MAGI1: variants seen among roughly 807,000 people sequenced by gnomAD.
MAGI1 encodes membrane associated guanylate kinase, WW and PDZ domain containing 1.
A neutral mutation model predicts 139.9 loss-of-function variants in MAGI1; 58 were observed. That is an observed-to-expected ratio of 0.41 (90% CI 0.34 to 0.52). The LOEUF is 0.52. Among genes scored for constraint, MAGI1 ranks in the 20% least tolerant of loss-of-function variants. The probability of loss-of-function intolerance (pLI) is 0.12; values close to 1 mark genes in which losing one functional copy is unlikely to be tolerated. For missense variants in MAGI1, 1,874 were observed against 1,901.6 expected, an observed-to-expected ratio of 0.99 and a Z score of 0.27; for synonymous variants, 812 against 737.9, an observed-to-expected ratio of 1.10 and a Z score of -1.63.
chr3:65,775,820 G>A (rs1463515891), intron 1 of MAGI1, among the ~76,000 whole-genome samples: 1 of 151,872 alleles, frequency 6.6e-6, no homozygotes, highest in Non-Finnish European at 1.5e-5. Flanking sequence ...GCACATGCCT[G>A]TAGTCCCAGC....
chr3:65,391,466 A>G, intron 13 of MAGI1, 108 bp from the exon 14 acceptor site: 8 of 818,310 alleles, frequency 9.8e-6, no homozygotes, highest in South Asian at 5.2e-5. Flanking sequence ...ATACACATAC[A>G]TATCAACAGT....
At chr3:65,619,836 A>G in intron 2 of MAGI1, 1 of 983,770 alleles carries the variant, frequency 1.0e-6, no homozygotes, top group Non-Finnish European at 1.2e-6. Context: ...AAGAAAGTGT[A>G]AAATGAATTG....
chr3:65,963,873 T>C (rs888409039), intron 1 of MAGI1, among the ~76,000 whole-genome samples: 1 of 152,220 alleles, frequency 6.6e-6, no homozygotes, highest in African/African-American at 2.4e-5. Flanking sequence ...TAATGATATC[T>C]GTGGACTGAA....
At chr3:65,800,367 C>T (rs557645502) in intron 1 of MAGI1, among the ~76,000 whole-genome samples, 3 of 152,142 alleles carry the variant, frequency 2.0e-5, no homozygotes, top group Non-Finnish European at 4.4e-5. Context: ...TCCTTCCCTC[C>T]CCTTGGAGTA....
At chr3:65,849,771 T>C (rs542665464) in intron 1 of MAGI1, among the ~76,000 whole-genome samples, 2 of 152,278 alleles carry the variant, frequency 1.3e-5, no homozygotes, top group South Asian at 2.1e-4. Context: ...GTATTTTTCA[T>C]CACATCTAAC....
chr3:65,550,548 A>T (rs1474102644), intron 2 of MAGI1, among the ~76,000 whole-genome samples: 1 of 152,210 alleles, frequency 6.6e-6, no homozygotes, highest in Non-Finnish European at 1.5e-5. Context: ...CCTTTTATTC[A>T]TATACAACTT....
intron 1 of MAGI1, among the ~76,000 whole-genome samples, chr3:65,774,977 T>C (rs993870925): frequency 6.6e-6 from 1 of 152,186 alleles, no homozygotes; most frequent in African/African-American, 2.4e-5. Context: ...AACAAGACAA[T>C]GTATATGAAT....
intron 6 of MAGI1, 85 bp from the exon 7 acceptor site, chr3:65,448,142 G>C (rs1196611621): frequency 8.2e-7 from 1 of 1,218,132 alleles, no homozygotes. Flanking sequence ...AATCTCCTCA[G>C]GAAAACAGCA....
intron 1 of MAGI1, among the ~76,000 whole-genome samples, chr3:65,706,088 A>C (rs2030223068): frequency 6.6e-6 from 1 of 152,124 alleles, no homozygotes; most frequent in Admixed American, 6.6e-5. Flanking sequence ...TTCTCCAATT[A>C]ATTTTTTTTT....
At chr3:65,608,549 T>C (rs1293009833) in intron 2 of MAGI1, among the ~76,000 whole-genome samples, 2 of 152,216 alleles carry the variant, frequency 1.3e-5, no homozygotes, top group Non-Finnish European at 2.9e-5. Flanking sequence ...AGTATCATTC[T>C]ACATCAGAAA....
At chr3:65,916,455 G>A (rs1440385597) in intron 1 of MAGI1, among the ~76,000 whole-genome samples, 3 of 152,144 alleles carry the variant, frequency 2.0e-5, no homozygotes, top group Admixed American at 2.0e-4. Context: ...GGCAGAAGGC[G>A]AAAGGCACAC....
rs560354687 is a variant in MAGI1 at position 65,919,349 on chromosome 3, G to A, written c.313+118647C>T. 3.3e-5 allele frequency among the ~76,000 whole-genome samples: 5 copies of A among 152,224 alleles called. No homozygotes were observed. The South Asian group carries it at 1.0e-3, about 32-fold the overall frequency. On this transcript the variant is annotated intron_variant, in intron 1 of 22. Coordinates refer to ENST00000402939, the MANE Select transcript of MAGI1 (RefSeq NM_001033057.2). ...AAGCTAAGGCAGGACGATCGTTTGA[G>A]CCCAGGAGTTTGAGACCAGCCTGGG...
chr3:65,395,273 T>C lies in MAGI1; in HGVS notation c.2200-3915A>G, dbSNP rs1944288766. Among the ~76,000 whole-genome samples, 3 of 152,080 alleles carry C rather than the reference T, an allele frequency of 2.0e-5. No homozygotes were observed. The South Asian group carries it at 6.2e-4, about 32-fold the overall frequency. ...TGTGTAGATGAATATTAATAAAATA[T>C]AATCTATTGATAGCAACACACTGCA... is the stretch of plus-strand genomic sequence containing the variant. On this transcript the variant is annotated intron_variant, in intron 13 of 22. Coordinates refer to ENST00000402939, the MANE Select transcript of MAGI1 (RefSeq NM_001033057.2).
At chr3:65,479,525 ATTTT>A (rs900216882) in intron 3 of MAGI1, among the ~76,000 whole-genome samples, 2 of 152,032 alleles carry the variant, frequency 1.3e-5, no homozygotes, top group African/African-American at 4.8e-5. Flanking sequence ...TTACATTTTA[ATTTT>A]TTTATTTTAA....
intron 1 of MAGI1, among the ~76,000 whole-genome samples, chr3:65,876,119 A>C (rs1255303263): frequency 6.6e-6 from 1 of 150,990 alleles, no homozygotes; most frequent in African/African-American, 2.5e-5. Flanking sequence ...GATGAAGAAA[A>C]TTAAGCAAAA....
At chr3:65,824,068 A>G (rs2108265840) in intron 1 of MAGI1, among the ~76,000 whole-genome samples, 1 of 152,356 alleles carries the variant, frequency 6.6e-6, no homozygotes, top group African/African-American at 2.4e-5. Context: ...GTACAAAACA[A>G]TCAATCAGGT....
At chr3:66,037,929 A>G in intron 1 of MAGI1, 67 bp downstream of exon 1, 6 of 1,511,164 alleles carry the variant, frequency 4.0e-6, no homozygotes, top group South Asian at 2.7e-5. Flanking sequence ...GAAATCGAGA[A>G]TAAGGGGCAG....
At chr3:65,370,673 C>G (rs1941898369) in intron 18 of MAGI1, among the ~76,000 whole-genome samples, 1 of 152,154 alleles carries the variant, frequency 6.6e-6, no homozygotes, top group Non-Finnish European at 1.5e-5. Flanking sequence ...TGGTCTCAGT[C>G]TGTCATCCAG....
At chr3:65,549,325 G>T in intron 2 of MAGI1, 1 of 621,244 alleles carries the variant, frequency 1.6e-6, no homozygotes, top group Non-Finnish European at 2.0e-6. Flanking sequence ...CCTCATTCCC[G>T]CCCAGTCTCC....
Sources: allele counts gnomAD v4.1 joint callset (sites outside exome capture counted in the v4.1 genomes callset), GRCh38; gene constraint gnomAD v4.1.1; transcripts MANE v1.5; gene names NCBI Gene and HGNC (gene_info 2026-07-23, HGNC 2026-07-21).